Variants in NCOR2 observed in about 807,000 individuals in gnomAD.
NCOR2 encodes nuclear receptor corepressor 2, also known as CTG repeat protein 26.
NCOR2 carries 81 observed loss-of-function variants against 262.9 expected under a neutral mutation model. The ratio of observed to expected loss-of-function variants is 0.31; its 90% CI spans 0.26 to 0.37. The LOEUF (loss-of-function observed/expected upper bound fraction) is 0.37. Among genes scored for constraint, NCOR2 ranks in the 10% least tolerant of loss-of-function variants. NCOR2 has a pLI of 1.00. For missense variants in NCOR2, 3,385 were observed against 3,621.4 expected, an observed-to-expected ratio of 0.93 and a Z score of 1.68; for synonymous variants, 1,659 against 1,559.3, an observed-to-expected ratio of 1.06 and a Z score of -1.51.
Position 124,454,745 on chromosome 12 carries a change from C to T in NCOR2, c.762+2361G>A, listed in dbSNP as rs2045743191. ...TCGGCCACTTTGGAAAACAGTTGGGCAGTTCCTCAAGGGGCTAAACAGGGT... is the reference window on the plus strand; with the variant it reads ...TCGGCCACTTTGGAAAACAGTTGGGTAGTTCCTCAAGGGGCTAAACAGGGT... On this transcript the variant is annotated intron_variant, in intron 6 of 46. Transcript: ENST00000405201. This position sits in a 1 kb window ranked among gnomAD's most constrained non-coding sequence, Gnocchi z 5.6. Among the ~76,000 whole-genome samples the T allele has an allele frequency of 3.3e-5, 5 of 152,218 alleles. No homozygotes were observed. In the South Asian group the frequency reaches 8.3e-4, roughly 25 times the overall value.
intron 8 of NCOR2, among the ~76,000 whole-genome samples, chr12:124,431,569 A>G (rs1275107078): frequency 7.0e-6 from 1 of 142,146 alleles, no homozygotes; most frequent in Non-Finnish European, 1.5e-5. Flanking sequence ...CAAGATACAC[A>G]GAGAGACACA....
chr12:124,394,013 C>T (rs763877018), intron 16 of NCOR2, among the ~76,000 whole-genome samples: 2 of 152,250 alleles, frequency 1.3e-5, no homozygotes, highest in Non-Finnish European at 2.9e-5. Flanking sequence ...TGGCAGGTGA[C>T]TTACCTCCGA....
chr12:124,439,026 C>CAG (rs1364544956), intron 7 of NCOR2, among the ~76,000 whole-genome samples: 2 of 122,732 alleles, frequency 1.6e-5, no homozygotes, highest in Non-Finnish European at 1.6e-5. Context: ...GACAGAGACC[C>CAG]AGAGAGAGAG....
intron 37 of NCOR2, 148 bp from the exon 40 acceptor site, chr12:124,337,328 T>C (rs1158795755): frequency 1.1e-6 from 1 of 918,166 alleles, no homozygotes; most frequent in Non-Finnish European, 1.7e-6. Context: ...CCTGCCAGAC[T>C]CTGTGCGTCA....
At chr12:124,384,672 G>A (rs1016815825) in intron 17 of NCOR2, among the ~76,000 whole-genome samples, 6 of 152,180 alleles carry the variant, frequency 3.9e-5, no homozygotes, top group Admixed American at 3.9e-4. Context: ...ACTGCAGGCT[G>A]TGTGACCTCA....
At chr12:124,334,393 C>A in intron 41 of NCOR2, 31 bp downstream of exon 43, 3 of 1,498,264 alleles carry the variant, frequency 2.0e-6, no homozygotes, top group Non-Finnish European at 2.7e-6. Flanking sequence ...CGCCGGCTGA[C>A]CAGCAAGAGG....
intron 22 of NCOR2, among the ~76,000 whole-genome samples, chr12:124,358,490 C>T (rs1231320513): frequency 1.3e-5 from 2 of 152,194 alleles, no homozygotes; most frequent in African/African-American, 2.4e-5. Flanking sequence ...GTAACAACCA[C>T]AGCGTCAGCC....
exon 47 of NCOR2, chr12:124,325,342 A>G: frequency 9.2e-7 from 1 of 1,083,028 alleles, no homozygotes; most frequent in Middle Eastern, 3.5e-4. Context: ...CTGCTCCTGC[A>G]GGGCCGTTCC....
chr12:124,378,495 T>A lies in NCOR2; in HGVS notation c.2020-111A>T. ...GCAAAGGGCAGTGATCCCGGCCATGTAGCAATGAGGGTGACCGTCCCCCTC... is the reference window on the plus strand; with the variant it reads ...GCAAAGGGCAGTGATCCCGGCCATGAAGCAATGAGGGTGACCGTCCCCCTC... On this transcript the variant is annotated intron_variant, in intron 17 of 46. Transcript: ENST00000405201. The surrounding 1 kb of genome is among the most constrained non-coding windows in gnomAD (Gnocchi z 4.2). 2 of 1,146,382 alleles carry A rather than the reference T, an allele frequency of 1.7e-6. No homozygotes were observed. Among genetic ancestry groups the A allele is most frequent in the Non-Finnish European group, 1.2e-6 (1 of 830,760 alleles). The allele number at this position is 1,146,382 out of a possible 1,614,324, so 71.0% of individuals were successfully genotyped here. A position where few individuals can be genotyped will look rare whatever the true frequency, so the allele number is the denominator to read the frequency against.
chr12:124,422,458 C>T (rs1233318352), intron 12 of NCOR2, 43 bp downstream of exon 14: 7 of 1,612,088 alleles, frequency 4.3e-6, no homozygotes, highest in Non-Finnish European at 5.1e-6. Context: ...CAGTTGCCCA[C>T]GGAGGTGGAG....
At chr12:124,376,332 G>A (rs1401907074) in intron 18 of NCOR2, among the ~76,000 whole-genome samples, 1 of 152,190 alleles carries the variant, frequency 6.6e-6, no homozygotes, top group Non-Finnish European at 1.5e-5. Flanking sequence ...AGTCCTGGGT[G>A]GCGTCTGCTC....
chr12:124,408,859 T>C (rs918519870), intron 13 of NCOR2, among the ~76,000 whole-genome samples: 3 of 152,214 alleles, frequency 2.0e-5, no homozygotes, highest in Non-Finnish European at 2.9e-5. Flanking sequence ...ATCCGTGCCG[T>C]GGAGGTGACT....
At chr12:124,384,881 G>A (rs1315191890) in intron 17 of NCOR2, among the ~76,000 whole-genome samples, 1 of 152,116 alleles carries the variant, frequency 6.6e-6, no homozygotes, top group Non-Finnish European at 1.5e-5. Context: ...GTATCGATGA[G>A]GAAACACGCA....
chr12:124,327,682 G>A (rs1233168619), intron 44 of NCOR2, 49 bp from the exon 47 acceptor site: 5 of 1,458,614 alleles, frequency 3.4e-6, no homozygotes, highest in Admixed American at 1.8e-5. Context: ...GGCCGGGGAG[G>A]GGGAGCCAGA....
At chr12:124,536,120 C>T (rs1184516003), upstream of NCOR2, among the ~76,000 whole-genome samples, 1 of 152,162 alleles carries the variant, frequency 6.6e-6, no homozygotes, top group Admixed American at 6.5e-5. Context: ...TGGATATAGT[C>T]TCGCTCTGTC....
Position 124,356,704 on chromosome 12 carries a change from C to CG in NCOR2, c.3178dup (p.Arg1060ProfsTer2), listed in dbSNP as rs749518211. 13 of 1,489,966 alleles carry CG rather than the reference C, an allele frequency of 8.7e-6. No individual in the cohort carries two copies. Among genetic ancestry groups the CG allele is most frequent in the Admixed American group, 2.9e-5 (1 of 34,804 alleles). The allele number at this position is 1,489,966 out of a possible 1,614,324, so 92.3% of individuals were successfully genotyped here. A position where few individuals can be genotyped will look rare whatever the true frequency, so the allele number is the denominator to read the frequency against. ...ATGCGGGGAGGCCTTGATCACCTCA[C>CG]GGGGGGGCACGGGGAAGGGCAGGCC... On this transcript the variant is annotated frameshift_variant, in exon 23 of 47. Coordinates refer to ENST00000405201, the Ensembl canonical transcript of NCOR2. LOFTEE classifies it high-confidence loss of function.
Position 124,431,282 on chromosome 12 carries a change from GACAC to G in NCOR2, c.883-499_883-496del, listed in dbSNP as rs1213624102. On this transcript the variant is annotated intron_variant, in intron 8 of 46. Coordinates refer to ENST00000405201, the Ensembl canonical transcript of NCOR2. ...CACAAGTCACACAGGCAGACACACA[GACAC>G]ACACATACAGTCACAGACACACACA... 3.5e-5 allele frequency among the ~76,000 whole-genome samples: 5 copies of G among 144,342 alleles called. No homozygotes were observed. The East Asian group carries it at 8.4e-4, about 24-fold the overall frequency. 94.7% of individuals were successfully genotyped at this position (144,342 alleles called of 152,430 possible). A position where few individuals can be genotyped will look rare whatever the true frequency, so the allele number is the denominator to read the frequency against.
At position 124,426,834 on chromosome 12, in the gene NCOR2, AG is replaced by A. The variant is rs1565932424; in HGVS notation, c.1150-35del. On this transcript the variant is annotated intron_variant, in intron 10 of 46. Transcript: ENST00000405201. ...AAACGGAGGGCAGGGTCAGAGGCCC[AG>A]GGACGAGGTGCTCCGGCCGGCGCAG... is the stretch of plus-strand genomic sequence containing the variant. 2.6e-6 allele frequency: 4 copies of A among 1,531,060 alleles called. No individual in the cohort carries two copies. The African/African-American group carries it at 5.5e-5, about 21-fold the overall frequency. The allele number at this position is 1,531,060 out of a possible 1,614,324, so 94.8% of individuals were successfully genotyped here.
At chr12:124,484,459 C>G (rs1295190605) in intron 2 of NCOR2, among the ~76,000 whole-genome samples, 1 of 152,226 alleles carries the variant, frequency 6.6e-6, no homozygotes, top group Non-Finnish European at 1.5e-5. Flanking sequence ...CTGGCCTCCA[C>G]CTCTGAGGCT....
Sources: gnomAD v4.1 joint callset for allele counts (sites outside exome capture counted in the v4.1 genomes callset) on GRCh38, gnomAD v4.1.1 for gene constraint, Gnocchi (gnomAD v3.1) non-coding constraint, MANE v1.5 for transcripts, NCBI Gene and HGNC (gene_info 2026-07-23, HGNC 2026-07-21) for gene names.